Variants in PSMC3 observed in about 807,000 individuals in gnomAD.
The protein encoded by PSMC3 is proteasome 26S subunit, ATPase 3.
In PSMC3, 11 loss-of-function variants were observed where a neutral mutation model predicts 52.0. The observed-to-expected ratio is 0.21, with a 90% CI of 0.13 to 0.35. The LOEUF (loss-of-function observed/expected upper bound fraction) is 0.35. Ranked by LOEUF, PSMC3 falls within the 10% of genes least tolerant of loss-of-function variation. PSMC3 has a pLI of 1.00. For synonymous variants in PSMC3, 201 were observed against 218.8 expected (o/e 0.92, Z 0.72); for missense variants, 238 against 567.1 (o/e 0.42, Z 5.89).
rs1252054308 is a variant in PSMC3, at chr11:47,418,917, G to A, written c.1238C>T (p.Thr413Met). 1.1e-5 allele frequency: 18 copies of A among 1,614,148 alleles called. 1 individual carries two copies. Among genetic ancestry groups the A allele is most frequent in the South Asian group, 2.2e-5 (2 of 91,084 alleles). ...AGMIALRRGA[T>M]ELTHEDYMEG... Reference sequence around the variant, plus strand: ...CATGTAGTCCTCGTGGGTGAGCTCCGTGGCACCCCTGCGCAGTGCGATCAT... The same window carrying A: ...CATGTAGTCCTCGTGGGTGAGCTCCATGGCACCCCTGCGCAGTGCGATCAT... Residue 413 changes from threonine to methionine, a missense_variant, in exon 12 of 12, where the codon ACG becomes ATG. Thr to Met is a moderately conservative substitution (Grantham distance 81). Coordinates refer to ENST00000298852, the MANE Select transcript of PSMC3 (RefSeq NM_002804.5).
At position 47,422,576 on chromosome 11, in the gene PSMC3, C is replaced by T; in HGVS notation, c.882G>A (p.Lys294=). Residue 294 remains lysine (K), a splice_region_variant and synonymous_variant, in exon 8 of 12, where the codon AAG becomes AAA. Transcript: ENST00000298852. This position sits in a 1 kb window ranked among gnomAD's most constrained non-coding sequence, Gnocchi z 4.3. ...AGGGACCCTTGGCCCTCCCTTACCG[C>T]TTGGTGCCGATGGCATCCAACTCAT... is the stretch of plus-strand genomic sequence containing the variant. ...FIDELDAIGT[K]RFDSEKAGDR... is the part of the protein sequence containing the mutation. 3 of 1,614,150 alleles carry T rather than the reference C, an allele frequency of 1.9e-6. No individual in the cohort carries two copies. The highest frequency in any genetic ancestry group is 1.7e-6 in the Non-Finnish European group (2 of 1,180,014).
chr11:47,419,588 G>C (rs558090941), intron 10 of PSMC3, among the ~76,000 whole-genome samples: 1 of 152,128 alleles, frequency 6.6e-6, no homozygotes, highest in Non-Finnish European at 1.5e-5. Flanking sequence ...GGCCGGGCGT[G>C]GTGGCTCATA....
Position 47,425,158 on chromosome 11 carries a change from T to C in PSMC3, c.248A>G (p.Asn83Ser). 6.2e-7 allele frequency: 1 copy of C among 1,614,200 alleles called. No homozygotes were observed. Among genetic ancestry groups the C allele is most frequent in the Non-Finnish European group, 8.5e-7 (1 of 1,180,044 alleles). The part of the protein sequence containing the change: ...IKENSEKIKV[N>S]KTLPYLVSNV... ...GGAGACAAGGTACGGCAGGGTCTTG[T>C]TCACTTTGATTTTCTCACTGTTCTC... The change falls in exon 3 of 12, where the codon AAC (asparagine) becomes AGC (serine). Residue 83 changes from asparagine to serine, a missense_variant. Around this residue, in one of 6 missense-constraint regions of PSMC3, gnomAD observed 21 missense variants for 95.6 expected, o/e 0.22. Transcript: ENST00000298852.
intron 2 of PSMC3, 119 bp from the exon 3 acceptor site, chr11:47,425,365 T>G: frequency 7.9e-7 from 1 of 1,267,404 alleles, no homozygotes; most frequent in Admixed American, 1.9e-5. Flanking sequence ...CATCCAGCTC[T>G]GAGGCTCTCT....
rs1425318261 is a variant in PSMC3, at chr11:47,425,244, G to A, written c.162C>T (p.Ile54=). ...RTRLLDSEIK[I]MKSEVLRVTH... ...TGACTCTCAACACTTCACTCTTCATGATCTGAGATCAGGAGGGGAGGAGAA... is the reference window on the plus strand; with the variant it reads ...TGACTCTCAACACTTCACTCTTCATAATCTGAGATCAGGAGGGGAGGAGAA... Residue 54 remains isoleucine, a splice_region_variant and synonymous_variant, in exon 3 of 12, where the codon ATC becomes ATT. Transcript: ENST00000298852. The A allele has an allele frequency of 3.7e-6, 6 of 1,614,024 alleles. No homozygotes were observed. Among genetic ancestry groups the A allele is most frequent in the Middle Eastern group, 1.7e-4 (1 of 6,050 alleles).
At chr11:47,425,624 C>T (rs2096045505) in intron 2 of PSMC3, 1 of 549,738 alleles carries the variant, frequency 1.8e-6, no homozygotes, top group African/African-American at 1.9e-5. Flanking sequence ...GGATTATTCC[C>T]AGTTCTCACT....
chr11:47,420,454 GA>G, intron 9 of PSMC3, 45 bp from the exon 10 acceptor site: 1 of 1,591,486 alleles, frequency 6.3e-7, no homozygotes, highest in Non-Finnish European at 8.6e-7. Flanking sequence ...GGTGTTCACA[GA>G]TGGGCAGACA....
Position 47,422,816 on chromosome 11 carries a change from C to T in PSMC3, c.735+14G>A. 1 of 1,603,676 alleles carries T rather than the reference C, an allele frequency of 6.2e-7. No individual in the cohort carries two copies. Among genetic ancestry groups the T allele is most frequent in the Non-Finnish European group, 8.5e-7 (1 of 1,172,576 alleles). ...TCCTGCCCACTTCCCCCGCATCCCTCCCAAAGTACTCACCTTAGTCTGTGC... is the reference window on the plus strand; with the variant it reads ...TCCTGCCCACTTCCCCCGCATCCCTTCCAAAGTACTCACCTTAGTCTGTGC... On this transcript the variant is annotated intron_variant, in intron 7 of 11. Transcript: ENST00000298852. This position sits in a 1 kb window ranked among gnomAD's most constrained non-coding sequence, Gnocchi z 4.3.
intron 3 of PSMC3, 79 bp downstream of exon 3, chr11:47,425,042 C>G: frequency 6.3e-7 from 1 of 1,592,600 alleles, no homozygotes; most frequent in Non-Finnish European, 8.6e-7. Flanking sequence ...CCTCCACCCA[C>G]TCTTTCCCTA....
Position 47,426,222 on chromosome 11 carries a change from C to T in PSMC3, c.58G>A (p.Val20Met). The change falls in exon 1 of 12, where the codon GTG (valine) becomes ATG (methionine). Residue 20 changes from valine to methionine, a missense_variant. Transcript: ENST00000298852. ...PVTRQEKMAT[V>M]WDEAEQDGIG... ...GTGCCCACCTCGGCCTCATCCCACACGGTCGCCATCTTCTCCTGCCGAGTC... is the reference window on the plus strand; with the variant it reads ...GTGCCCACCTCGGCCTCATCCCACATGGTCGCCATCTTCTCCTGCCGAGTC... 2 of 1,560,352 alleles carry T rather than the reference C, an allele frequency of 1.3e-6. No homozygotes were observed. The highest frequency in any genetic ancestry group is 1.4e-5 in the African/African-American group (1 of 73,604).
Position 47,425,747 on chromosome 11 carries a change from G to A in PSMC3, c.159+120C>T, listed in dbSNP as rs2096045663. 2.0e-5 allele frequency: 16 copies of A among 814,304 alleles called. 1 individual carries two copies. In the South Asian group the frequency reaches 2.6e-4, roughly 13 times the overall value. The allele number at this position is 814,304 out of a possible 1,614,324, so 50.4% of individuals were successfully genotyped here. On this transcript the variant is annotated intron_variant, in intron 2 of 11. Coordinates refer to ENST00000298852, the MANE Select transcript of PSMC3 (RefSeq NM_002804.5). ...TCTTTCCTCTCTTCCTGATATGAGGGGGAAGCCCGAGCCCCATGTCTCCCC... is the reference window on the plus strand; with the variant it reads ...TCTTTCCTCTCTTCCTGATATGAGGAGGAAGCCCGAGCCCCATGTCTCCCC...
At chr11:47,425,330 C>T (rs2096045140) in intron 2 of PSMC3, 84 bp from the exon 3 acceptor site, 21 of 1,531,100 alleles carry the variant, frequency 1.4e-5, no homozygotes, top group Non-Finnish European at 1.7e-5. Flanking sequence ...GTCCAGGGTG[C>T]CCAGGGGACC....
In PSMC3 at chr11:47,422,501, T is replaced by C; in HGVS notation, c.884+73A>G. The stretch of plus-strand genomic sequence containing the variant: ...TACAGGGTGGGAAGGAACCACAATT[T>C]AGCACAACTGAGAGTCAACCCGCTT... On this transcript the variant is annotated intron_variant, in intron 8 of 11. Transcript: ENST00000298852. The surrounding 1 kb of genome is among the most constrained non-coding windows in gnomAD (Gnocchi z 4.3). 6.4e-7 allele frequency: 1 copy of C among 1,571,392 alleles called. No homozygotes were observed. Among genetic ancestry groups the C allele is most frequent in the Middle Eastern group, 1.7e-4 (1 of 5,896 alleles).
intron 10 of PSMC3, 130 bp from the exon 11 acceptor site, chr11:47,419,327 A>C (rs2096037178): frequency 1.1e-6 from 1 of 876,036 alleles, no homozygotes; most frequent in Admixed American, 2.0e-5. Context: ...TCCCTTACTC[A>C]ATGCGCCTTG....
Position 47,422,807 on chromosome 11 carries a change from C to T in PSMC3, c.735+23G>A, listed in dbSNP as rs201416811. 56 of 1,602,562 alleles carry T rather than the reference C, an allele frequency of 3.5e-5. No homozygotes were observed. The African/African-American group carries it at 6.0e-4, about 17-fold the overall frequency. ...AGTTTCTGCTCCTGCCCACTTCCCC[C>T]GCATCCCTCCCAAAGTACTCACCTT... On this transcript the variant is annotated intron_variant, in intron 7 of 11. Coordinates refer to ENST00000298852, the MANE Select transcript of PSMC3 (RefSeq NM_002804.5). The surrounding 1 kb of genome is among the most constrained non-coding windows in gnomAD (Gnocchi z 4.3).
In PSMC3 at chr11:47,418,904, G is replaced by C; in HGVS notation, c.1251C>G (p.His417Gln). ...CCAGGATGCCTTCCATGTAGTCCTC[G>C]TGGGTGAGCTCCGTGGCACCCCTGC... ...ALRRGATELT[H>Q]EDYMEGILEV... The change falls in exon 12 of 12, where the codon CAC becomes CAG. Residue 417 changes from histidine (H) to glutamine (Q), a missense_variant. By Grantham distance (24) the His-to-Gln change is conservative (BLOSUM62 0). Coordinates refer to ENST00000298852, the MANE Select transcript of PSMC3 (RefSeq NM_002804.5). 7 of 1,614,174 alleles carry C rather than the reference G, an allele frequency of 4.3e-6. No homozygotes were observed. The highest frequency in any genetic ancestry group is 4.2e-6 in the Non-Finnish European group (5 of 1,180,006).
rs1171659051 is a variant in PSMC3, at chr11:47,424,723, AAAATACTCAGCTCCTTG to A, written c.286-29_286-13del. 2 of 1,592,528 alleles carry A rather than the reference AAAATACTCAGCTCCTTG, an allele frequency of 1.3e-6. No individual in the cohort carries two copies. Among genetic ancestry groups the A allele is most frequent in the Admixed American group, 3.3e-5 (2 of 59,986 alleles). ...TCAACATCCAGGAGCTGGGAAGGAA[AAAATACTCAGCTCCTTG>A]AACTCCCCAAGGCCCAGTGCTTCCT... On this transcript the variant is annotated splice_polypyrimidine_tract_variant and intron_variant, in intron 3 of 11. Transcript: ENST00000298852. The surrounding 1 kb of genome is among the most constrained non-coding windows in gnomAD (Gnocchi z 4.8).
At chr11:47,421,552 C>T (rs1029746124) in intron 8 of PSMC3, among the ~76,000 whole-genome samples, 5 of 151,980 alleles carry the variant, frequency 3.3e-5, no homozygotes, top group African/African-American at 9.7e-5. Context: ...AGGCTGGGGA[C>T]AGGCATGAGA....
chr11:47,421,652 T>A, intron 8 of PSMC3, among the ~76,000 whole-genome samples: 1 of 47,982 alleles, frequency 2.1e-5, no homozygotes, highest in East Asian at 6.3e-4. Flanking sequence ...CAGGAAAGTT[T>A]GATTTTTTTT....
Sources: allele counts gnomAD v4.1 joint callset (sites outside exome capture counted in the v4.1 genomes callset), GRCh38; gene constraint gnomAD v4.1.1; regional missense constraint gnomAD v4.1.1; non-coding constraint Gnocchi (gnomAD v3.1); transcripts MANE v1.5; gene names NCBI Gene and HGNC (gene_info 2026-07-23, HGNC 2026-07-21).